FILIP1: variants seen among roughly 807,000 people sequenced by gnomAD.
The protein encoded by FILIP1 is filamin A interacting protein 1.
In FILIP1, 61 loss-of-function variants were observed where a neutral mutation model predicts 102.1. That is an observed-to-expected ratio of 0.60 (90% CI 0.49 to 0.74). FILIP1 has a LOEUF of 0.74. Ranked by LOEUF, FILIP1 falls within the 30% of genes least tolerant of loss-of-function variation. FILIP1 has a pLI of 0.00. For synonymous variants in FILIP1, 491 were observed against 526.9 expected (o/e 0.93, Z 0.93); for missense variants, 1,314 against 1,441.2 (o/e 0.91, Z 1.43).
chr6:75,449,848 T>C (rs1562616030), intron 1 of FILIP1, among the ~76,000 whole-genome samples: 2 of 152,182 alleles, frequency 1.3e-5, no homozygotes, highest in African/African-American at 2.4e-5. Context: ...CTCAGAGTAA[T>C]ATGATAACCA....
intron 1 of FILIP1, among the ~76,000 whole-genome samples, chr6:75,441,893 C>G (rs1284044870): frequency 1.3e-5 from 2 of 148,996 alleles, no homozygotes; most frequent in African/African-American, 4.9e-5. Flanking sequence ...GGTAGACCCC[C>G]CCACCTCCCT....
intron 1 of FILIP1, among the ~76,000 whole-genome samples, chr6:75,426,446 C>T (rs146338199): frequency 6.6e-6 from 1 of 152,226 alleles, no homozygotes; most frequent in African/African-American, 2.4e-5. Context: ...ACAGTTCTAG[C>T]CATATGTGAC....
Position 75,321,755 on chromosome 6 carries a change from C to CTGCA in FILIP1, c.630-6557_630-6554dup, listed in dbSNP as rs538976793. On this transcript the variant is annotated intron_variant, in intron 4 of 5. Coordinates refer to ENST00000237172, the MANE Select transcript of FILIP1 (RefSeq NM_015687.5). ...CTTGCAGTGAGCCGAGATTGCGCCACTGCAGTCCGCAGTCCGACCTGGGCG... is the reference window on the plus strand; with the variant it reads ...CTTGCAGTGAGCCGAGATTGCGCCACTGCATGCAGTCCGCAGTCCGACCTGGGCG... Among the ~76,000 whole-genome samples the CTGCA allele has an allele frequency of 5.7e-4, 87 of 151,364 alleles. No homozygotes were observed. The East Asian group carries it at 0.012, about 22-fold the overall frequency.
chr6:75,343,598 A>G (rs1386021834), intron 4 of FILIP1, among the ~76,000 whole-genome samples: 1 of 152,188 alleles, frequency 6.6e-6, no homozygotes, highest in African/African-American at 2.4e-5. Context: ...ACTTGATTAC[A>G]TATTCTTTCT....
In FILIP1 at chr6:75,419,160, C is replaced by T. The variant is rs190635546; in HGVS notation, c.-6-4182G>A. On this transcript the variant is annotated intron_variant, in intron 1 of 5. Transcript: ENST00000237172. Reference sequence around the variant, plus strand: ...AGAAAAAAAAGGAAACAAAAAATGTCTACAGAAATTCTAGTTCCCAGACTT... The same window carrying T: ...AGAAAAAAAAGGAAACAAAAAATGTTTACAGAAATTCTAGTTCCCAGACTT... Among the ~76,000 whole-genome samples the T allele has an allele frequency of 4.6e-5, 7 of 152,272 alleles. No homozygotes were observed. The East Asian group carries it at 1.2e-3, about 25-fold the overall frequency.
chr6:75,391,146 ATCT>A (rs771486320), intron 2 of FILIP1, among the ~76,000 whole-genome samples: 11 of 152,078 alleles, frequency 7.2e-5, no homozygotes, highest in Non-Finnish European at 1.6e-4. Context: ...GATTTTTGTC[ATCT>A]TCTAATTGGC....
intron 2 of FILIP1, among the ~76,000 whole-genome samples, chr6:75,391,715 C>T (rs1472018740): frequency 7.2e-5 from 11 of 152,162 alleles, no homozygotes; most frequent in Admixed American, 7.2e-4. Flanking sequence ...TTAGCTCATT[C>T]TCATTAGCAT....
chr6:75,417,341 G>C (rs138399936), intron 1 of FILIP1, among the ~76,000 whole-genome samples: 1 of 152,260 alleles, frequency 6.6e-6, no homozygotes, highest in African/African-American at 2.4e-5. Context: ...TCAGCAATCA[G>C]CACCTGTTCT....
chr6:75,312,819 A>T lies in FILIP1; in HGVS notation c.3013T>A (p.Ser1005Thr), dbSNP rs774430800. 1 of 1,614,064 alleles carries T rather than the reference A, an allele frequency of 6.2e-7. No individual in the cohort carries two copies. Among genetic ancestry groups the T allele is most frequent in the African/African-American group, 1.3e-5 (1 of 74,996 alleles). ...GRGAFADRPTSPIQIMTVSTS... is the reference protein window; with the variant it reads ...GRGAFADRPTTPIQIMTVSTS... ...GACACCGTCATTATCTGAATAGGGG[A>T]TGTGGGCCTGTCTGCAAATGCGCCT... The change falls in exon 5 of 6, where the codon TCC becomes ACC. Residue 1005 changes from serine to threonine, a missense_variant. Physicochemically the swap from Ser to Thr is moderately conservative, Grantham distance 58. Around this residue, in one of 3 missense-constraint regions of FILIP1, gnomAD observed 816 missense variants for 913.1 expected, o/e 0.89. Coordinates refer to ENST00000237172, the MANE Select transcript of FILIP1 (RefSeq NM_015687.5).
At chr6:75,370,147 A>C (rs1775466671) in intron 2 of FILIP1, among the ~76,000 whole-genome samples, 1 of 152,238 alleles carries the variant, frequency 6.6e-6, no homozygotes, top group African/African-American at 2.4e-5. Flanking sequence ...TGCTGCAGTG[A>C]GTCAAGGAGC....
intron 4 of FILIP1, among the ~76,000 whole-genome samples, chr6:75,337,717 TG>T (rs1326547174): frequency 6.6e-6 from 1 of 152,126 alleles, no homozygotes; most frequent in African/African-American, 2.4e-5. Flanking sequence ...TTGGGAATGG[TG>T]TATCAGGTCT....
Position 75,312,615 on chromosome 6 carries a change from AC to A in FILIP1, c.3216del (p.Ser1073LeufsTer23). On this transcript the variant is annotated frameshift_variant, in exon 5 of 6. Coordinates refer to ENST00000237172, the MANE Select transcript of FILIP1 (RefSeq NM_015687.5). LOFTEE classifies it high-confidence loss of function. ...TEDNKIHIHL[G>X]SQFKRSPGTS... ...GTCCCAGGGGACCGTTTAAACTGAG[AC>A]CCTAAGTGAATGTGAATTTTATTGT... 2 of 1,614,066 alleles carry A rather than the reference AC, an allele frequency of 1.2e-6. No individual in the cohort carries two copies. Among genetic ancestry groups the A allele is most frequent in the Non-Finnish European group, 1.7e-6 (2 of 1,180,000 alleles).
intron 1 of FILIP1, among the ~76,000 whole-genome samples, chr6:75,449,011 A>C (rs1414863959): frequency 1.3e-5 from 2 of 152,178 alleles, no homozygotes; most frequent in African/African-American, 4.8e-5. Flanking sequence ...TTATACGAAA[A>C]AGATACTTGC....
chr6:75,457,570 T>G (rs1208966706), intron 1 of FILIP1, among the ~76,000 whole-genome samples: 1 of 151,622 alleles, frequency 6.6e-6, no homozygotes, highest in Non-Finnish European at 1.5e-5. Flanking sequence ...TAGTGTCTAC[T>G]ACACTGATGC....
chr6:75,449,837 A>G (rs1000425221), intron 1 of FILIP1, among the ~76,000 whole-genome samples: 9 of 152,338 alleles, frequency 5.9e-5, no homozygotes, highest in Middle Eastern at 3.4e-3. Context: ...CTGCAATTGC[A>G]CTCAGAGTAA....
intron 4 of FILIP1, among the ~76,000 whole-genome samples, chr6:75,336,446 T>C (rs1774245589): frequency 1.3e-5 from 2 of 151,990 alleles, no homozygotes; most frequent in South Asian, 4.1e-4. Context: ...TTGATGATGG[T>C]AGGCAGTTTG....
chr6:75,362,907 T>C lies in FILIP1; in HGVS notation c.287A>G (p.Asp96Gly), dbSNP rs1250170040. The stretch of plus-strand genomic sequence containing the variant: ...CTCTGTCTTCAGCATGTGGATCACA[T>C]CTTCTCTGGCCTGTAATAGAAAGTG... ...IMEGELQARE[D>G]VIHMLKTEKT... Residue 96 changes from aspartate to glycine, a missense_variant, in exon 3 of 6, where the codon GAT becomes GGT. By Grantham distance (94) the Asp-to-Gly change is moderately conservative. Transcript: ENST00000237172. 6 of 1,613,796 alleles carry C rather than the reference T, an allele frequency of 3.7e-6. No individual in the cohort carries two copies. Among genetic ancestry groups the C allele is most frequent in the Non-Finnish European group, 5.1e-6 (6 of 1,180,014 alleles).
At chr6:75,315,527 T>C (rs1472991635) in intron 4 of FILIP1, among the ~76,000 whole-genome samples, 1 of 152,242 alleles carries the variant, frequency 6.6e-6, no homozygotes, top group Admixed American at 6.5e-5. Context: ...TTTCTGCATA[T>C]GTATTATACT....
chr6:75,329,347 C>T (rs1048293793), intron 4 of FILIP1, among the ~76,000 whole-genome samples: 1 of 152,224 alleles, frequency 6.6e-6, no homozygotes, highest in Non-Finnish European at 1.5e-5. Flanking sequence ...AATTTATCAG[C>T]ATTAGCTCCA....
Sources: gnomAD v4.1 joint callset for allele counts (sites outside exome capture counted in the v4.1 genomes callset) on GRCh38, gnomAD v4.1.1 for gene constraint, gnomAD v4.1.1 regional missense constraint, MANE v1.5 for transcripts, NCBI Gene and HGNC (gene_info 2026-07-23, HGNC 2026-07-21) for gene names.